The following ATXN1 variants were observed in gnomAD, a reference collection of about 807,000 sequenced individuals.
ATXN1 encodes ataxin 1.
Under a neutral mutation model 56.4 loss-of-function variants are expected in ATXN1, and 8 were observed. That is an observed-to-expected ratio of 0.14 (90% CI 0.08 to 0.26). ATXN1 has a LOEUF of 0.26. Ranked by LOEUF, ATXN1 falls within the 10% of genes least tolerant of loss-of-function variation. The pLI is 1.00. For missense variants in ATXN1, 987 were observed against 1,106.5 expected, an observed-to-expected ratio of 0.89 and a Z score of 1.53; for synonymous variants, 514 against 494.6, an observed-to-expected ratio of 1.04 and a Z score of -0.52.
At chr6:16,364,387 C>T (rs1422100348) in intron 6 of ATXN1, among the ~76,000 whole-genome samples, 1 of 152,040 alleles carries the variant, frequency 6.6e-6, no homozygotes, top group African/African-American at 2.4e-5. Context: ...TCACTGCAAG[C>T]TCCGCCTCCA....
intron 2 of ATXN1, among the ~76,000 whole-genome samples, chr6:16,749,764 A>C (rs1262677688): frequency 6.6e-6 from 1 of 152,226 alleles, no homozygotes; most frequent in Non-Finnish European, 1.5e-5. Context: ...CCCTGAATTC[A>C]GTCATCCCCC....
intron 4 of ATXN1, among the ~76,000 whole-genome samples, chr6:16,576,607 T>C (rs1403629008): frequency 1.3e-5 from 2 of 152,230 alleles, no homozygotes; most frequent in Non-Finnish European, 2.9e-5. Flanking sequence ...CAATAGTAAA[T>C]ACTGCCGAAA....
At chr6:16,436,582 G>A (rs942209999) in intron 6 of ATXN1, among the ~76,000 whole-genome samples, 2 of 152,216 alleles carry the variant, frequency 1.3e-5, no homozygotes, top group Admixed American at 6.5e-5. Context: ...TGTGGTGACT[G>A]GGGGAAGAGC....
intron 3 of ATXN1, among the ~76,000 whole-genome samples, chr6:16,600,523 T>C (rs1762893783): frequency 1.3e-5 from 2 of 152,224 alleles, no homozygotes; most frequent in African/African-American, 4.8e-5. Context: ...TTGAACAGAA[T>C]GCTTCACTAT....
intron 3 of ATXN1, among the ~76,000 whole-genome samples, chr6:16,629,832 G>A (rs192930109): frequency 1.7e-4 from 26 of 151,318 alleles, no homozygotes; most frequent in Admixed American, 4.6e-4. Context: ...CAGGAGAATC[G>A]CTTGAACCCA....
In ATXN1 at chr6:16,306,010, T is replaced by G; in HGVS notation, c.*319A>C. ...ACTTTTCTCCTGACACTAGCGGGAG[T>G]CAGCGCCCCCGGCTGCTTCTGTGCC... On this transcript the variant is annotated 3_prime_UTR_variant, in exon 8 of 8. Transcript: ENST00000436367. The surrounding 1 kb of genome is among the most constrained non-coding windows in gnomAD (Gnocchi z 5.2). The G allele has an allele frequency of 1.8e-5, 4 of 227,946 alleles. No individual in the cohort carries two copies. The highest frequency in any genetic ancestry group is 1.2e-4 in the South Asian group (2 of 16,782). The allele number at this position is 227,946 out of a possible 1,614,324, so 14.1% of individuals were successfully genotyped here. A position where few individuals can be genotyped will look rare whatever the true frequency, so the allele number is the denominator to read the frequency against.
At chr6:16,465,189 G>A (rs1401974752) in intron 6 of ATXN1, among the ~76,000 whole-genome samples, 2 of 152,224 alleles carry the variant, frequency 1.3e-5, no homozygotes, top group African/African-American at 4.8e-5. Context: ...ACGGCTGGGT[G>A]TGGTAGCTGA....
intron 3 of ATXN1, among the ~76,000 whole-genome samples, chr6:16,654,303 T>C (rs1758143651): frequency 6.6e-6 from 1 of 152,122 alleles, no homozygotes; most frequent in African/African-American, 2.4e-5. Flanking sequence ...CTCAGCACTT[T>C]GGAAGGCCAA....
intron 5 of ATXN1, among the ~76,000 whole-genome samples, chr6:16,489,223 G>C: frequency 6.6e-6 from 1 of 152,170 alleles, no homozygotes; most frequent in Middle Eastern, 3.4e-3. Context: ...GCATCTAGTG[G>C]AAGAGCCTGG....
chr6:16,692,006 G>A (rs1329817144), intron 2 of ATXN1, among the ~76,000 whole-genome samples: 1 of 152,246 alleles, frequency 6.6e-6, no homozygotes, highest in Non-Finnish European at 1.5e-5. Context: ...GCTCAAGCCT[G>A]TAATCCCAGC....
At chr6:16,473,651 AGGACATT>A (rs1374351998) in intron 6 of ATXN1, among the ~76,000 whole-genome samples, 1 of 152,196 alleles carries the variant, frequency 6.6e-6, no homozygotes, top group Non-Finnish European at 1.5e-5. Flanking sequence ...TTAGAACCCA[AGGACATT>A]GGAGTCTGGC....
intron 2 of ATXN1, among the ~76,000 whole-genome samples, chr6:16,681,090 G>A (rs950301892): frequency 6.6e-6 from 1 of 152,196 alleles, no homozygotes; most frequent in African/African-American, 2.4e-5. Context: ...AGGGAGACAT[G>A]ATGATGATGA....
chr6:16,431,793 C>T (rs549007299), intron 6 of ATXN1, among the ~76,000 whole-genome samples: 1 of 152,190 alleles, frequency 6.6e-6, no homozygotes, highest in Non-Finnish European at 1.5e-5. Context: ...TTCGTGTATT[C>T]ATATCCAGGA....
chr6:16,378,138 G>A (rs1762180307), intron 6 of ATXN1, among the ~76,000 whole-genome samples: 1 of 152,138 alleles, frequency 6.6e-6, no homozygotes, highest in Admixed American at 6.5e-5. Flanking sequence ...ATGCCAGGTG[G>A]CCTTATTCTT....
intron 3 of ATXN1, among the ~76,000 whole-genome samples, chr6:16,616,404 G>T (rs1411991362): frequency 1.3e-5 from 2 of 151,606 alleles, no homozygotes; most frequent in East Asian, 3.9e-4. Context: ...GCCAGGTGTG[G>T]TGGTACACAC....
At chr6:16,338,354 G>A (rs1761171356) in intron 6 of ATXN1, among the ~76,000 whole-genome samples, 2 of 152,152 alleles carry the variant, frequency 1.3e-5, no homozygotes, top group African/African-American at 4.8e-5. Context: ...TGAGCCAGGC[G>A]TGGTGGCAGG....
At chr6:16,748,955 C>A (rs1329049463) in intron 2 of ATXN1, among the ~76,000 whole-genome samples, 1 of 152,180 alleles carries the variant, frequency 6.6e-6, no homozygotes, top group Non-Finnish European at 1.5e-5. Context: ...TTTCACTTTA[C>A]ATCAGGAAGT....
chr6:16,342,990 T>G (rs1761288997), intron 6 of ATXN1, among the ~76,000 whole-genome samples: 1 of 152,152 alleles, frequency 6.6e-6, no homozygotes, highest in East Asian at 1.9e-4. Context: ...CACGTAAAAA[T>G]GATTAAGATG....
chr6:16,677,293 T>C (rs1758707784), intron 2 of ATXN1, among the ~76,000 whole-genome samples: 1 of 152,208 alleles, frequency 6.6e-6, no homozygotes, highest in Admixed American at 6.5e-5. Context: ...GGGAGTCTTC[T>C]ATTTTTTGAT....
Sources: gnomAD v4.1 joint callset for allele counts (sites outside exome capture counted in the v4.1 genomes callset) on GRCh38, gnomAD v4.1.1 for gene constraint, Gnocchi (gnomAD v3.1) non-coding constraint, MANE v1.5 for transcripts, NCBI Gene and HGNC (gene_info 2026-07-23, HGNC 2026-07-21) for gene names.